The following LYPD6B variants were observed in gnomAD, a reference collection of about 807,000 sequenced individuals.
LYPD6B encodes LY6/PLAUR domain containing 6B.
In LYPD6B, 17 loss-of-function variants were observed where a neutral mutation model predicts 22.8. That is an observed-to-expected ratio of 0.75 (90% confidence interval 0.51 to 1.12). The LOEUF (loss-of-function observed/expected upper bound fraction) is 1.12, where lower values mean the gene tolerates loss of function less well. LYPD6B is among the 50% of genes most tolerant of loss of function. LYPD6B has a pLI of 0.00. For missense variants in LYPD6B, 221 were observed against 258.3 expected (o/e 0.86, Z 0.99); for synonymous variants, 106 against 91.6 (o/e 1.16, Z -0.90).
rs139299697 is a variant in LYPD6B, at chr2:149,099,503, G to A, written c.-66-31380G>A. Among the ~76,000 whole-genome samples, 139 of 152,072 alleles carry A rather than the reference G, an allele frequency of 9.1e-4. 1 individual carries two copies. In the East Asian group the frequency reaches 0.024, roughly 26 times the overall value. On this transcript the variant is annotated intron_variant, in intron 1 of 6. Transcript: ENST00000409642. ...TGGTAGGGTCACAGCAGGGCCAGCA[G>A]GAGGCAATCCGTGTTCTGAGATCCT...
chr2:149,207,609 A>T (rs1693582854), intron 4 of LYPD6B, among the ~76,000 whole-genome samples: 1 of 152,082 alleles, frequency 6.6e-6, no homozygotes, highest in Admixed American at 6.5e-5. Context: ...AACTGGCCTA[A>T]TTATAAGGGC....
intron 3 of LYPD6B, among the ~76,000 whole-genome samples, chr2:149,179,099 A>T (rs781041542): frequency 1.3e-5 from 2 of 152,208 alleles, no homozygotes; most frequent in African/African-American, 2.4e-5. Flanking sequence ...AGACGAGTGC[A>T]TGCTGGCTGG....
chr2:149,175,045 C>CTT (rs1691177233), intron 3 of LYPD6B, among the ~76,000 whole-genome samples: 1 of 132,676 alleles, frequency 7.5e-6, no homozygotes, highest in Non-Finnish European at 1.6e-5. Flanking sequence ...CTCTCTCTCT[C>CTT]TCTCTCTCTC....
chr2:149,161,944 A>G (rs1690088771), intron 3 of LYPD6B, among the ~76,000 whole-genome samples: 1 of 152,190 alleles, frequency 6.6e-6, no homozygotes, highest in Admixed American at 6.5e-5. Context: ...GCAGGAATTT[A>G]TATATTATCA....
intron 1 of LYPD6B, among the ~76,000 whole-genome samples, chr2:149,082,679 G>C (rs546733706): frequency 6.6e-6 from 1 of 152,278 alleles, no homozygotes; most frequent in South Asian, 2.1e-4. Context: ...TAAATGTGAG[G>C]CACTTAGAAT....
At chr2:149,163,629 C>T (rs934999963) in intron 3 of LYPD6B, among the ~76,000 whole-genome samples, 2 of 152,092 alleles carry the variant, frequency 1.3e-5, no homozygotes, top group Non-Finnish European at 2.9e-5. Flanking sequence ...GAGTAATTTC[C>T]CTATAAAGTT....
At position 149,044,673 on chromosome 2, in the gene LYPD6B, CT is replaced by C. The variant is rs528589099; in HGVS notation, c.-67+5875del. Among the ~76,000 whole-genome samples the C allele has an allele frequency of 3.9e-5, 6 of 152,126 alleles. No individual in the cohort carries two copies. The East Asian group carries it at 9.6e-4, about 24-fold the overall frequency. ...GCAGTGATAAGAGAGAACATCCTTACTTTGTTTCTTATCATGGAGCAGGCAG... is the reference window on the plus strand; with the variant it reads ...GCAGTGATAAGAGAGAACATCCTTACTTGTTTCTTATCATGGAGCAGGCAG... On this transcript the variant is annotated intron_variant, in intron 1 of 6. Transcript: ENST00000409642.
At chr2:149,176,006 T>C (rs1195896978) in intron 3 of LYPD6B, among the ~76,000 whole-genome samples, 2 of 152,216 alleles carry the variant, frequency 1.3e-5, no homozygotes, top group Admixed American at 6.5e-5. Flanking sequence ...TAATAAAATA[T>C]AGTAAATACA....
chr2:149,177,304 G>A (rs556761609), intron 3 of LYPD6B, among the ~76,000 whole-genome samples: 73 of 152,242 alleles, frequency 4.8e-4, no homozygotes, highest in Non-Finnish European at 8.5e-4. Flanking sequence ...TCCATTGTTG[G>A]ATCTCTGTTT....
intron 2 of LYPD6B, among the ~76,000 whole-genome samples, chr2:149,135,493 G>C (rs1367689056): frequency 6.6e-6 from 1 of 151,644 alleles, no homozygotes. Context: ...GCCAAGGCGG[G>C]TGGATCACCT....
intron 1 of LYPD6B, among the ~76,000 whole-genome samples, chr2:149,056,878 C>T (rs976101662): frequency 6.6e-6 from 1 of 152,140 alleles, no homozygotes; most frequent in Non-Finnish European, 1.5e-5. Context: ...GTACGTTATC[C>T]GACTCCACAT....
rs1200934625 is a variant in LYPD6B at position 149,055,517 on chromosome 2, C to T, written c.-67+16716C>T. On this transcript the variant is annotated intron_variant, in intron 1 of 6. Transcript: ENST00000409642. The stretch of plus-strand genomic sequence containing the variant: ...ATGTAAGTCTTCCAGTCATGAAAAC[C>T]GGATGCTTTTCCGGTTATTTAGGTC... Among the ~76,000 whole-genome samples, 3 of 152,150 alleles carry T rather than the reference C, an allele frequency of 2.0e-5. No homozygotes were observed. In the East Asian group the frequency reaches 5.8e-4, roughly 29 times the overall value.
intron 3 of LYPD6B, among the ~76,000 whole-genome samples, chr2:149,201,614 T>G (rs11686575): frequency 0.86 from 130,333 of 152,196 alleles, 56,883 homozygotes; most frequent in South Asian, 0.97. Flanking sequence ...AGAATAGATA[T>G]AGATAGATAT....
chr2:149,048,814 C>G (rs1237459716), intron 1 of LYPD6B, among the ~76,000 whole-genome samples: 1 of 152,106 alleles, frequency 6.6e-6, no homozygotes, highest in African/African-American at 2.4e-5. Flanking sequence ...TTGTAAAATA[C>G]TGGTGTCGTT....
At chr2:149,162,311 C>T (rs1419508460) in intron 3 of LYPD6B, among the ~76,000 whole-genome samples, 1 of 152,178 alleles carries the variant, frequency 6.6e-6, no homozygotes. Context: ...CACAGCATTC[C>T]TGTAAGGAAG....
intron 1 of LYPD6B, among the ~76,000 whole-genome samples, chr2:149,066,554 A>G (rs1326482822): frequency 6.6e-6 from 1 of 151,880 alleles, no homozygotes; most frequent in Admixed American, 6.6e-5. Context: ...TATGTGCCAC[A>G]TTTTCTTAAT....
intron 1 of LYPD6B, among the ~76,000 whole-genome samples, chr2:149,062,860 CTT>C (rs5835285): frequency 2.2e-4 from 21 of 93,542 alleles, no homozygotes; most frequent in South Asian, 7.4e-4. Flanking sequence ...GATACATGTT[CTT>C]TTTTTTTTTT....
intron 3 of LYPD6B, among the ~76,000 whole-genome samples, chr2:149,197,828 T>C (rs929034719): frequency 1.3e-5 from 2 of 152,150 alleles, no homozygotes; most frequent in Admixed American, 6.5e-5. Context: ...CTTTAATGCA[T>C]ACATGACTTG....
intron 1 of LYPD6B, among the ~76,000 whole-genome samples, chr2:149,105,851 C>T (rs1029048068): frequency 1.3e-5 from 2 of 152,056 alleles, no homozygotes. Flanking sequence ...ATGGTGAGAG[C>T]AGACATCTTT....
Sources: allele counts gnomAD v4.1 joint callset (sites outside exome capture counted in the v4.1 genomes callset), GRCh38; gene constraint gnomAD v4.1.1; transcripts MANE v1.5; gene names NCBI Gene and HGNC (gene_info 2026-07-23, HGNC 2026-07-21).